The following ZNF638 variants were observed in gnomAD, a reference collection of about 807,000 sequenced individuals.
ZNF638 encodes zinc finger protein 638.
A neutral mutation model predicts 195.6 loss-of-function variants in ZNF638; 46 were observed. That is an observed-to-expected ratio of 0.24 (90% CI 0.19 to 0.30). ZNF638 has a LOEUF of 0.30. Ranked by LOEUF, ZNF638 falls within the 10% of genes least tolerant of loss-of-function variation. The pLI is 1.00. For missense variants in ZNF638, 2,440 were observed against 2,325.3 expected (o/e 1.05, Z -1.01); for synonymous variants, 845 against 772.0 (o/e 1.09, Z -1.57).
intron 1 of ZNF638, among the ~76,000 whole-genome samples, chr2:71,335,112 C>T (rs2078643118): frequency 6.6e-6 from 1 of 152,112 alleles, no homozygotes; most frequent in Non-Finnish European, 1.5e-5. Context: ...CCATGGTTCC[C>T]TGCGGCCTCT....
chr2:71,433,341 T>A (rs187446691), intron 27 of ZNF638, 58 bp downstream of exon 27: 4 of 1,223,758 alleles, frequency 3.3e-6, no homozygotes, highest in Non-Finnish European at 4.8e-6. Context: ...AGAATCAAAT[T>A]ATTTATCTCC....
chr2:71,418,774 G>C, intron 21 of ZNF638, 135 bp downstream of exon 21: 2 of 521,548 alleles, frequency 3.8e-6, no homozygotes, highest in Non-Finnish European at 6.3e-6. Context: ...ATATGGGCTT[G>C]TTACAGTTTT....
intron 3 of ZNF638, among the ~76,000 whole-genome samples, chr2:71,360,471 G>A (rs1324001546): frequency 1.5e-5 from 2 of 136,478 alleles, no homozygotes; most frequent in African/African-American, 2.6e-5. Context: ...AATTCTTCTT[G>A]TTTGCCCCAT....
intron 20 of ZNF638, among the ~76,000 whole-genome samples, chr2:71,413,982 G>A (rs1305712452): frequency 1.7e-5 from 1 of 59,138 alleles, no homozygotes; most frequent in Non-Finnish European, 3.0e-5. Flanking sequence ...TCAGAATGAT[G>A]CTGGCCTCAT....
chr2:71,332,334 G>A (rs2078586516), intron 1 of ZNF638, among the ~76,000 whole-genome samples: 2 of 152,246 alleles, frequency 1.3e-5, no homozygotes, highest in South Asian at 2.1e-4. Flanking sequence ...CGAAGAGGCG[G>A]TGGAGTTTGA....
At chr2:71,421,606 T>C (rs954465372) in intron 21 of ZNF638, among the ~76,000 whole-genome samples, 3 of 152,092 alleles carry the variant, frequency 2.0e-5, no homozygotes, top group African/African-American at 7.2e-5. Flanking sequence ...CCATCTTGTG[T>C]TGTTAACTGA....
chr2:71,424,045 AG>A lies in ZNF638; in HGVS notation c.4524+10del, dbSNP rs760390263. On this transcript the variant is annotated splice_region_variant and intron_variant, in intron 22 of 27. Coordinates refer to ENST00000264447, the MANE Select transcript of ZNF638 (RefSeq NM_014497.5). The stretch of plus-strand genomic sequence containing the variant: ...GGATGACAGCAACAATAAGGTGAGG[AG>A]GGTAGGAAGAATGGCACAGTGTGTC... 12 of 1,609,726 alleles carry A rather than the reference AG, an allele frequency of 7.5e-6. No individual in the cohort carries two copies. In the East Asian group the frequency reaches 2.0e-4, roughly 27 times the overall value.
At position 71,423,182 on chromosome 2, in the gene ZNF638, T is replaced by G; in HGVS notation, c.3668T>G (p.Leu1223Trp). 1 of 1,614,116 alleles carries G rather than the reference T, an allele frequency of 6.2e-7. No individual in the cohort carries two copies. The highest frequency in any genetic ancestry group is 8.5e-7 in the Non-Finnish European group (1 of 1,179,974). The stretch of plus-strand genomic sequence containing the variant: ...GAAATTATTAACCCTAAAACAGCAT[T>G]GTTACCATCTGACAGTGTGTTTGCA... ...GAEIINPKTA[L>W]LPSDSVFAEE... Residue 1223 changes from leucine to tryptophan, a missense_variant, in exon 22 of 28, where the codon TTG (leucine) becomes TGG (tryptophan). By Grantham distance (61) the Leu-to-Trp change is moderately conservative (BLOSUM62 -2). Around this residue, in one of 5 missense-constraint regions of ZNF638, gnomAD observed 1,883 missense variants for 1,739.1 expected, o/e 1.08. Transcript: ENST00000264447.
rs374193502 is a variant in ZNF638, at chr2:71,340,595, A to G, written c.-202-8158A>G. Among the ~76,000 whole-genome samples, 6 of 152,252 alleles carry G rather than the reference A, an allele frequency of 3.9e-5. No individual in the cohort carries two copies. The South Asian group carries it at 8.3e-4, about 21-fold the overall frequency. ...AAATGAGGTATATGGGTGTATGTCTAGAAAAATAATGTTAGTGGTAGTTTT... is the reference window on the plus strand; with the variant it reads ...AAATGAGGTATATGGGTGTATGTCTGGAAAAATAATGTTAGTGGTAGTTTT... On this transcript the variant is annotated intron_variant, in intron 1 of 27. Coordinates refer to ENST00000264447, the MANE Select transcript of ZNF638 (RefSeq NM_014497.5).
At chr2:71,383,803 TG>T (rs2079583211) in intron 10 of ZNF638, among the ~76,000 whole-genome samples, 1 of 140,168 alleles carries the variant, frequency 7.1e-6, no homozygotes, top group African/African-American at 2.8e-5. Flanking sequence ...GGTTTCACCT[TG>T]TTGGCCAGGC....
intron 2 of ZNF638, among the ~76,000 whole-genome samples, chr2:71,355,297 G>A (rs1421693933): frequency 1.3e-5 from 2 of 152,104 alleles, no homozygotes; most frequent in Non-Finnish European, 2.9e-5. Flanking sequence ...AATTTTAGAG[G>A]TATTTGTCAT....
intron 20 of ZNF638, among the ~76,000 whole-genome samples, chr2:71,417,642 C>T (rs2080328057): frequency 6.6e-6 from 1 of 151,442 alleles, no homozygotes; most frequent in African/African-American, 2.4e-5. Flanking sequence ...ATGTAGAGTT[C>T]CTCTGATACC....
chr2:71,417,719 C>T (rs912665043), intron 20 of ZNF638, among the ~76,000 whole-genome samples: 21 of 151,418 alleles, frequency 1.4e-4, no homozygotes, highest in Admixed American at 1.2e-3. Context: ...CTAGTAAACA[C>T]TCTCTGTAAT....
chr2:71,394,442 T>A (rs2079851646), intron 10 of ZNF638, among the ~76,000 whole-genome samples: 1 of 152,206 alleles, frequency 6.6e-6, no homozygotes. Flanking sequence ...CCCATCCATA[T>A]GTTTTTCTTA....
intron 19 of ZNF638, chr2:71,407,886 T>C: frequency 2.8e-6 from 1 of 359,416 alleles, no homozygotes; most frequent in Non-Finnish European, 5.0e-6. Flanking sequence ...ATAATTCTGT[T>C]TTACGCATGT....
rs569882378 is a variant in ZNF638, at chr2:71,344,286, A to T, written c.-202-4467A>T. On this transcript the variant is annotated intron_variant, in intron 1 of 27. Coordinates refer to ENST00000264447, the MANE Select transcript of ZNF638 (RefSeq NM_014497.5). ...GTAGTAGTGTCCCTTTTTCTGAGGGAGATACGTTCTAAGGACCTGCCAGTG... is the reference window on the plus strand; with the variant it reads ...GTAGTAGTGTCCCTTTTTCTGAGGGTGATACGTTCTAAGGACCTGCCAGTG... 1.4e-3 allele frequency among the ~76,000 whole-genome samples: 216 copies of T among 152,286 alleles called. 2 individuals carry two copies. Among genetic ancestry groups the T allele is most frequent in the African/African-American group, 5.0e-3 (208 of 41,562 alleles).
Position 71,368,834 on chromosome 2 carries a change from C to T in ZNF638, c.2142+306C>T, listed in dbSNP as rs190605024. On this transcript the variant is annotated intron_variant, in intron 7 of 27. Transcript: ENST00000264447. ...AACAGCTATAAGTAATATGTAAATGCGCAAGCATGGCTGTGTCCAAAAAAC... is the reference window on the plus strand; with the variant it reads ...AACAGCTATAAGTAATATGTAAATGTGCAAGCATGGCTGTGTCCAAAAAAC... Among the ~76,000 whole-genome samples the T allele has an allele frequency of 1.1e-3, 175 of 152,220 alleles. 1 individual carries two copies. The highest frequency in any genetic ancestry group is 2.3e-3 in the South Asian group (11 of 4,820).
chr2:71,429,779 TCTTCTTAAGTTAGTCTTAC>T (rs2080618995), intron 25 of ZNF638, among the ~76,000 whole-genome samples: 1 of 152,234 alleles, frequency 6.6e-6, no homozygotes. Context: ...TAAAGTGTTT[TCTTCTTAAGTTAGTCTTAC>T]TTGACTTTTC....
intron 1 of ZNF638, among the ~76,000 whole-genome samples, chr2:71,347,640 A>T (rs898934066): frequency 3.3e-5 from 5 of 152,176 alleles, no homozygotes; most frequent in African/African-American, 1.2e-4. Flanking sequence ...ATATGCTCAT[A>T]CATTTTTTAA....
Sources: gnomAD v4.1 joint callset for allele counts (sites outside exome capture counted in the v4.1 genomes callset) on GRCh38, gnomAD v4.1.1 for gene constraint, gnomAD v4.1.1 regional missense constraint, MANE v1.5 for transcripts, NCBI Gene and HGNC (gene_info 2026-07-23, HGNC 2026-07-21) for gene names.